Variants in RNF2 observed in about 807,000 individuals in gnomAD.
RNF2 encodes the protein ring finger protein 2, also known as E3 ubiquitin-protein ligase RING2.
Under a neutral mutation model 37.2 loss-of-function variants are expected in RNF2, and 6 were observed. That is an observed-to-expected ratio of 0.16 (90% confidence interval 0.09 to 0.32). The LOEUF is 0.32. RNF2 is among the 10% of genes least tolerant of loss of function. The pLI is 1.00. For missense variants in RNF2, 251 were observed against 404.0 expected, an observed-to-expected ratio of 0.62 and a Z score of 3.25; for synonymous variants, 133 against 132.7, an observed-to-expected ratio of 1.00 and a Z score of -0.02.
intron 1 of RNF2, among the ~76,000 whole-genome samples, chr1:185,060,503 T>C (rs1650566753): frequency 6.6e-6 from 1 of 152,216 alleles, no homozygotes; most frequent in African/African-American, 2.4e-5. Context: ...CTTAGGAAAT[T>C]ATTGACATTC....
intron 1 of RNF2, among the ~76,000 whole-genome samples, chr1:185,068,351 C>T (rs1050908825): frequency 6.6e-6 from 1 of 152,126 alleles, no homozygotes; most frequent in African/African-American, 2.4e-5. Context: ...TGTTAATTTA[C>T]TTTGAAAAAG....
chr1:185,049,477 G>A (rs189428490), intron 1 of RNF2, among the ~76,000 whole-genome samples: 83 of 152,150 alleles, frequency 5.5e-4, no homozygotes, highest in Non-Finnish European at 9.9e-4. Context: ...AGGGTTTCAC[G>A]TTATCCTTTA....
At chr1:185,096,327 C>CT (rs1449678490) in intron 4 of RNF2, among the ~76,000 whole-genome samples, 3 of 151,848 alleles carry the variant, frequency 2.0e-5, no homozygotes, top group South Asian at 2.1e-4. Flanking sequence ...TAAGTACATT[C>CT]TTTTTTTTCT....
At chr1:185,068,745 A>G (rs1048133732) in intron 1 of RNF2, among the ~76,000 whole-genome samples, 2 of 152,250 alleles carry the variant, frequency 1.3e-5, no homozygotes, top group East Asian at 1.9e-4. Flanking sequence ...TACAGTAGCC[A>G]TAGAAAACTA....
At chr1:185,073,871 T>C (rs1651062423) in intron 1 of RNF2, among the ~76,000 whole-genome samples, 2 of 152,208 alleles carry the variant, frequency 1.3e-5, no homozygotes. Flanking sequence ...AACAGTTGAT[T>C]CAGTTCAGTG....
At chr1:185,053,638 C>A (rs1650336477) in intron 1 of RNF2, among the ~76,000 whole-genome samples, 1 of 152,112 alleles carries the variant, frequency 6.6e-6, no homozygotes, top group Non-Finnish European at 1.5e-5. Flanking sequence ...CAGGCTTTGG[C>A]CACCACATCC....
chr1:185,082,466 T>C (rs1651455917), intron 1 of RNF2, among the ~76,000 whole-genome samples: 1 of 150,766 alleles, frequency 6.6e-6, no homozygotes, highest in South Asian at 2.1e-4. Context: ...TCCTCCTGCC[T>C]CAGCCCCCCA....
At chr1:185,083,988 C>G (rs1357971711) in intron 1 of RNF2, among the ~76,000 whole-genome samples, 3 of 149,024 alleles carry the variant, frequency 2.0e-5, no homozygotes, top group Non-Finnish European at 3.0e-5. Context: ...GTTGCCCAGG[C>G]TGGAGTGCAG....
intron 3 of RNF2, among the ~76,000 whole-genome samples, chr1:185,092,766 G>C (rs1412150868): frequency 6.6e-6 from 1 of 151,894 alleles, no homozygotes; most frequent in African/African-American, 2.4e-5. Context: ...TCGGAAAGGG[G>C]AAATTTAAAT....
chr1:185,076,193 T>C (rs1267103627), intron 1 of RNF2, among the ~76,000 whole-genome samples: 2 of 149,754 alleles, frequency 1.3e-5, no homozygotes, highest in African/African-American at 4.9e-5. Context: ...AGGCGAAATA[T>C]GAACCTTTCA....
chr1:185,049,080 G>T (rs1650198796), intron 1 of RNF2, among the ~76,000 whole-genome samples: 1 of 152,068 alleles, frequency 6.6e-6, no homozygotes, highest in Non-Finnish European at 1.5e-5. Context: ...ACAAAAATTA[G>T]CCAGGCATAG....
At chr1:185,065,538 C>G (rs1650774667) in intron 1 of RNF2, among the ~76,000 whole-genome samples, 1 of 152,132 alleles carries the variant, frequency 6.6e-6, no homozygotes, top group Non-Finnish European at 1.5e-5. Context: ...GTCAGCCAGA[C>G]CATGAACCCA....
intron 1 of RNF2, among the ~76,000 whole-genome samples, chr1:185,073,393 G>T (rs1414196119): frequency 1.3e-5 from 2 of 152,160 alleles, no homozygotes; most frequent in Non-Finnish European, 2.9e-5. Context: ...GCTTTGAGAG[G>T]TGAGGATTCA....
At chr1:185,078,308 T>C (rs1386924801) in intron 1 of RNF2, among the ~76,000 whole-genome samples, 25 of 152,208 alleles carry the variant, frequency 1.6e-4, no homozygotes, top group Admixed American at 1.6e-3. Flanking sequence ...AACATGTCTT[T>C]TGCCCCCAAA....
intron 1 of RNF2, among the ~76,000 whole-genome samples, chr1:185,075,538 G>A (rs1275134027): frequency 1.3e-5 from 2 of 152,158 alleles, no homozygotes; most frequent in Non-Finnish European, 2.9e-5. Flanking sequence ...AGAGAAAAGA[G>A]GTTTAGTTGG....
At chr1:185,090,956 A>G (rs563224417) in intron 2 of RNF2, among the ~76,000 whole-genome samples, 61 of 152,332 alleles carry the variant, frequency 4.0e-4, no homozygotes, top group Non-Finnish European at 7.4e-4. Flanking sequence ...TCTGGTTTAA[A>G]TCAGCTCCTG....
rs768087382 is a variant in RNF2, at chr1:185,100,325, C to T, written c.*24C>T. Reference sequence around the variant, plus strand: ...GAGCCTTTAAAAACCAATTCTGAGACTGAACTTTTTTATAGCCTATTTCTT... The same window carrying T: ...GAGCCTTTAAAAACCAATTCTGAGATTGAACTTTTTTATAGCCTATTTCTT... On this transcript the variant is annotated 3_prime_UTR_variant, in exon 7 of 7. Transcript: ENST00000367510. The T allele has an allele frequency of 7.9e-6, 12 of 1,514,666 alleles. No homozygotes were observed. In the East Asian group the frequency reaches 2.3e-4, roughly 29 times the overall value. The allele number at this position is 1,514,666 out of a possible 1,614,324, so 93.8% of individuals were successfully genotyped here. A position where few individuals can be genotyped will look rare whatever the true frequency, so the allele number is the denominator to read the frequency against.
chr1:185,051,831 G>A (rs897231331), intron 1 of RNF2, among the ~76,000 whole-genome samples: 4 of 146,268 alleles, frequency 2.7e-5, no homozygotes, highest in African/African-American at 7.6e-5. Context: ...CACATTTTAT[G>A]TATATATGTA....
At chr1:185,069,928 G>A (rs182913680) in intron 1 of RNF2, among the ~76,000 whole-genome samples, 1 of 152,264 alleles carries the variant, frequency 6.6e-6, no homozygotes, top group East Asian at 1.9e-4. Context: ...TAAATGAGTA[G>A]TCTTGAATCA....
Sources: allele counts gnomAD v4.1 joint callset (sites outside exome capture counted in the v4.1 genomes callset), GRCh38; gene constraint gnomAD v4.1.1; transcripts MANE v1.5; gene names NCBI Gene and HGNC (gene_info 2026-07-23, HGNC 2026-07-21).